Variants in CTNNA3 observed in about 807,000 individuals in gnomAD.
The protein encoded by CTNNA3 is catenin alpha 3.
In CTNNA3, 76 loss-of-function variants were observed where a neutral mutation model predicts 95.7. The ratio of observed to expected loss-of-function variants is 0.79; its 90% CI spans 0.66 to 0.96. CTNNA3 has a LOEUF of 0.96. Ranked by LOEUF, CTNNA3 falls within the 40% of genes least tolerant of loss-of-function variation. The probability of loss-of-function intolerance (pLI) is 0.00; values close to 1 mark genes in which losing one functional copy is unlikely to be tolerated. For missense variants in CTNNA3, 1,191 were observed against 1,089.8 expected (o/e 1.09, Z -1.31); for synonymous variants, 431 against 374.4 (o/e 1.15, Z -1.74).
At chr10:66,630,884 ACC>A (rs781624370) in intron 9 of CTNNA3, among the ~76,000 whole-genome samples, 93 of 152,308 alleles carry the variant, frequency 6.1e-4, no homozygotes, top group Non-Finnish European at 1.1e-3. Context: ...TTGATTATGC[ACC>A]TATTATGTGG....
intron 7 of CTNNA3, among the ~76,000 whole-genome samples, chr10:66,898,878 T>G (rs997058787): frequency 7.9e-5 from 12 of 152,150 alleles, no homozygotes; most frequent in Non-Finnish European, 1.6e-4. Flanking sequence ...TACATCAGGC[T>G]TAAAAGCTTC....
chr10:67,019,457 A>G (rs1406473244), intron 7 of CTNNA3, among the ~76,000 whole-genome samples: 3 of 152,166 alleles, frequency 2.0e-5, no homozygotes, highest in African/African-American at 7.2e-5. Flanking sequence ...ACCTCAGGTG[A>G]TCCCCCTGCC....
At chr10:67,061,326 T>C (rs1347256869) in intron 7 of CTNNA3, among the ~76,000 whole-genome samples, 1 of 152,226 alleles carries the variant, frequency 6.6e-6, no homozygotes, top group Admixed American at 6.5e-5. Flanking sequence ...GCTACACCAA[T>C]ATGTGAACTA....
At chr10:67,059,880 G>T (rs1472926086) in intron 7 of CTNNA3, among the ~76,000 whole-genome samples, 1 of 152,086 alleles carries the variant, frequency 6.6e-6, no homozygotes, top group Non-Finnish European at 1.5e-5. Context: ...TTGCAATGAA[G>T]ATATGTAAAT....
chr10:67,368,067 C>A (rs1843281976), intron 5 of CTNNA3, among the ~76,000 whole-genome samples: 1 of 151,548 alleles, frequency 6.6e-6, no homozygotes, highest in Non-Finnish European at 1.5e-5. Context: ...GCTTACAGAG[C>A]TCCAAAAAAA....
intron 7 of CTNNA3, among the ~76,000 whole-genome samples, chr10:67,089,518 T>C (rs930299999): frequency 6.6e-6 from 1 of 151,992 alleles, no homozygotes; most frequent in African/African-American, 2.4e-5. Flanking sequence ...AGTTTCAAAG[T>C]AAAGTATATT....
chr10:67,322,450 C>T (rs1429904688), intron 5 of CTNNA3, among the ~76,000 whole-genome samples: 1 of 152,136 alleles, frequency 6.6e-6, no homozygotes, highest in African/African-American at 2.4e-5. Context: ...TCATTTAGCT[C>T]CCACTTATAA....
intron 1 of CTNNA3, among the ~76,000 whole-genome samples, chr10:67,672,377 G>C (rs1013957413): frequency 5.9e-5 from 9 of 152,094 alleles, no homozygotes; most frequent in Non-Finnish European, 1.2e-4. Flanking sequence ...GATCCCATTT[G>C]TCAATTTTGG....
chr10:66,028,568 G>A (rs1199945859), intron 15 of CTNNA3, among the ~76,000 whole-genome samples: 1 of 151,206 alleles, frequency 6.6e-6, no homozygotes, highest in Non-Finnish European at 1.5e-5. Context: ...ACACAGGAAG[G>A]GGAACATCAC....
intron 9 of CTNNA3, among the ~76,000 whole-genome samples, chr10:66,659,116 C>A (rs1468925391): frequency 1.3e-5 from 2 of 150,900 alleles, no homozygotes; most frequent in African/African-American, 2.4e-5. Context: ...TATCATTGAA[C>A]AAGAAAATTT....
At chr10:66,434,842 T>C (rs376362413) in intron 11 of CTNNA3, among the ~76,000 whole-genome samples, 1 of 152,104 alleles carries the variant, frequency 6.6e-6, no homozygotes, top group Non-Finnish European at 1.5e-5. Context: ...TTATTGAGAG[T>C]TTTTAGCATG....
chr10:67,761,041 G>T (rs924386325), intron 1 of CTNNA3, among the ~76,000 whole-genome samples: 3 of 152,154 alleles, frequency 2.0e-5, no homozygotes, highest in Non-Finnish European at 2.9e-5. Flanking sequence ...GTACCAAAAA[G>T]GTTAGCGACC....
chr10:66,187,220 C>T (rs924777107), intron 13 of CTNNA3, among the ~76,000 whole-genome samples: 1 of 152,026 alleles, frequency 6.6e-6, no homozygotes, highest in East Asian at 1.9e-4. Flanking sequence ...CAGAGCTTAT[C>T]CAGTGCAGAA....
intron 13 of CTNNA3, among the ~76,000 whole-genome samples, chr10:66,204,005 G>A (rs769365212): frequency 1.3e-5 from 2 of 151,988 alleles, no homozygotes; most frequent in Non-Finnish European, 2.9e-5. Context: ...AAATTTGGAG[G>A]TAGGACTATG....
chr10:67,420,699 A>T (rs1378341395), intron 5 of CTNNA3, among the ~76,000 whole-genome samples: 1 of 152,046 alleles, frequency 6.6e-6, no homozygotes, highest in Non-Finnish European at 1.5e-5. Context: ...TATTACTATT[A>T]TCCTTTCTTA....
intron 7 of CTNNA3, among the ~76,000 whole-genome samples, chr10:66,812,830 T>A (rs1367897106): frequency 1.3e-5 from 2 of 152,178 alleles, no homozygotes; most frequent in Non-Finnish European, 2.9e-5. Context: ...TATCACAATT[T>A]TTTTATCTCC....
intron 3 of CTNNA3, among the ~76,000 whole-genome samples, chr10:67,594,882 C>T (rs2133354996): frequency 2.0e-5 from 3 of 152,158 alleles, no homozygotes; most frequent in Admixed American, 2.0e-4. Flanking sequence ...CTCACCCCAC[C>T]TCCCACCCTT....
intron 15 of CTNNA3, among the ~76,000 whole-genome samples, chr10:65,991,749 C>T (rs540671043): frequency 6.6e-6 from 1 of 152,004 alleles, no homozygotes; most frequent in African/African-American, 2.4e-5. Flanking sequence ...TTTCTTTTTC[C>T]TGATTGCTCT....
At chr10:65,923,389 T>C (rs1445533286) in intron 17 of CTNNA3, among the ~76,000 whole-genome samples, 1 of 152,210 alleles carries the variant, frequency 6.6e-6, no homozygotes, top group Non-Finnish European at 1.5e-5. Context: ...TATTCAATGT[T>C]TTTATGATCT....
Sources: allele counts gnomAD v4.1 joint callset (sites outside exome capture counted in the v4.1 genomes callset), GRCh38; gene constraint gnomAD v4.1.1; transcripts MANE v1.5; gene names NCBI Gene and HGNC (gene_info 2026-07-23, HGNC 2026-07-21).